The following NALCN variants were observed in gnomAD, a reference collection of about 807,000 sequenced individuals.
NALCN encodes sodium leak channel, non-selective.
Under a neutral mutation model 225.3 loss-of-function variants are expected in NALCN, and 111 were observed. The ratio of observed to expected loss-of-function variants is 0.49; its 90% CI spans 0.42 to 0.58. The LOEUF is 0.58. NALCN is among the 20% of genes least tolerant of loss of function. The pLI is 0.00. For missense variants in NALCN, 1,378 were observed against 2,202.4 expected (o/e 0.63, Z 7.49); for synonymous variants, 764 against 769.0 (o/e 0.99, Z 0.11).
chr13:101,282,957 A>C (rs1298284085), intron 10 of NALCN, among the ~76,000 whole-genome samples: 1 of 152,200 alleles, frequency 6.6e-6, no homozygotes, highest in Non-Finnish European at 1.5e-5. Flanking sequence ...AAGACCCAAA[A>C]GAAAGAAAAG....
chr13:101,216,546 ATAAAAT>A (rs1400209710), intron 13 of NALCN, among the ~76,000 whole-genome samples: 4 of 152,136 alleles, frequency 2.6e-5, no homozygotes, highest in African/African-American at 9.7e-5. Flanking sequence ...ATATTTCATG[ATAAAAT>A]TAAAAATACA....
intron 27 of NALCN, among the ~76,000 whole-genome samples, chr13:101,095,912 CCAAGGAAGATATG>C (rs1377629204): frequency 6.6e-6 from 1 of 152,100 alleles, no homozygotes; most frequent in Non-Finnish European, 1.5e-5. Flanking sequence ...AGACACTTCT[CCAAGGAAGATATG>C]CAAATGGCCA....
intron 3 of NALCN, among the ~76,000 whole-genome samples, chr13:101,390,676 A>T (rs543644738): frequency 6.6e-6 from 1 of 152,148 alleles, no homozygotes; most frequent in Non-Finnish European, 1.5e-5. Context: ...GGGAAAAAAA[A>T]ACATTCTCAG....
At chr13:101,369,220 C>T (rs2046469807) in intron 6 of NALCN, among the ~76,000 whole-genome samples, 1 of 147,334 alleles carries the variant, frequency 6.8e-6, no homozygotes, top group Non-Finnish European at 1.5e-5. Flanking sequence ...GCAGGTTTTA[C>T]ACATATGGGA....
At chr13:101,154,583 CT>C (rs1053812325) in intron 15 of NALCN, among the ~76,000 whole-genome samples, 1 of 152,144 alleles carries the variant, frequency 6.6e-6, no homozygotes, top group Non-Finnish European at 1.5e-5. Flanking sequence ...TGCTTTTCCC[CT>C]ACTAGCATGA....
chr13:101,101,927 C>A (rs1370204348), intron 26 of NALCN, among the ~76,000 whole-genome samples: 1 of 152,290 alleles, frequency 6.6e-6, no homozygotes, highest in East Asian at 1.9e-4. Flanking sequence ...TATACATTAG[C>A]AGTCAGGTGA....
intron 1 of NALCN, among the ~76,000 whole-genome samples, chr13:101,413,079 G>A (rs2139565049): frequency 6.6e-6 from 1 of 152,214 alleles, no homozygotes; most frequent in East Asian, 1.9e-4. Flanking sequence ...GTAAAAGAGG[G>A]AATGTGATCC....
rs756248145 is a variant in NALCN, at chr13:101,229,598, G to A, written c.1435-14C>T. 1.3e-6 allele frequency: 2 copies of A among 1,529,848 alleles called. No homozygotes were observed. The highest frequency in any genetic ancestry group is 4.9e-5 in the East Asian group (2 of 41,132). 94.8% of individuals were successfully genotyped at this position (1,529,848 alleles called of 1,614,324 possible). A position where few individuals can be genotyped will look rare whatever the true frequency, so the allele number is the denominator to read the frequency against. On this transcript the variant is annotated splice_polypyrimidine_tract_variant and intron_variant, in intron 12 of 43. Coordinates refer to ENST00000251127, the MANE Select transcript of NALCN (RefSeq NM_052867.4). ...TACTCGGAGAACCTATCAAGGGAGA[G>A]AGAAACATTTATTTACACATATGAT...
intron 37 of NALCN, among the ~76,000 whole-genome samples, chr13:101,071,476 G>A (rs61973974): frequency 0.31 from 46,828 of 152,138 alleles, 8,226 homozygotes; most frequent in East Asian, 0.48. Flanking sequence ...ATATTATGGA[G>A]ATGGCTTCTT....
At chr13:101,056,514 G>A (rs1309843229) in intron 43 of NALCN, among the ~76,000 whole-genome samples, 1 of 151,872 alleles carries the variant, frequency 6.6e-6, no homozygotes, top group African/African-American at 2.4e-5. Flanking sequence ...CACCTGCCTC[G>A]GCCTCCCAAA....
chr13:101,156,901 C>T (rs754181836), intron 15 of NALCN, among the ~76,000 whole-genome samples: 2 of 152,100 alleles, frequency 1.3e-5, no homozygotes, highest in Non-Finnish European at 2.9e-5. Context: ...TCATGCATTT[C>T]CAATTATCAT....
intron 28 of NALCN, among the ~76,000 whole-genome samples, chr13:101,092,421 C>A (rs1207514877): frequency 1.3e-5 from 2 of 152,288 alleles, no homozygotes; most frequent in East Asian, 1.9e-4. Context: ...GTCGTACTTC[C>A]TACAGCACCC....
At chr13:101,258,316 C>A in intron 11 of NALCN, 127 bp downstream of exon 11, 1 of 1,342,384 alleles carries the variant, frequency 7.4e-7, no homozygotes. Context: ...AAGAAGCAGA[C>A]AATGATTCAG....
rs1594213861 is a variant in NALCN, at chr13:101,105,795, A to T, written c.2580-845T>A. 2.0e-5 allele frequency among the ~76,000 whole-genome samples: 3 copies of T among 152,324 alleles called. No homozygotes were observed. In the South Asian group the frequency reaches 6.2e-4, roughly 32 times the overall value. On this transcript the variant is annotated intron_variant, in intron 22 of 43. Coordinates refer to ENST00000251127, the MANE Select transcript of NALCN (RefSeq NM_052867.4). ...AGAAAGAACAATAGTCTGGCAATCA[A>T]GAGAGAGCCAGGTAGTAGCTGGGTC...
intron 13 of NALCN, among the ~76,000 whole-genome samples, chr13:101,210,492 G>A (rs972778684): frequency 6.6e-6 from 1 of 152,114 alleles, no homozygotes; most frequent in African/African-American, 2.4e-5. Flanking sequence ...GAAATAACTT[G>A]TCGGTTTGTC....
intron 26 of NALCN, among the ~76,000 whole-genome samples, chr13:101,101,281 C>CTTT (rs60948311): frequency 0.02 from 2,211 of 112,344 alleles, 162 homozygotes; most frequent in African/African-American, 0.034. Context: ...ATTTTTTTTT[C>CTTT]TTTTTTTTTT....
At position 101,163,046 on chromosome 13, in the gene NALCN, C is replaced by T. The variant is rs190894894; in HGVS notation, c.1839+13254G>A. On this transcript the variant is annotated intron_variant, in intron 15 of 43. Transcript: ENST00000251127. ...TCTCCCAAGTAGCTAGGACTACAGG[C>T]GCCCGCCACTACGCCTGGCTAATTT... Among the ~76,000 whole-genome samples the T allele has an allele frequency of 2.8e-3, 419 of 151,996 alleles. 5 individuals carry two copies. Among genetic ancestry groups the T allele is most frequent in the Non-Finnish European group, 7.7e-4 (52 of 67,834 alleles).
chr13:101,273,229 C>T lies in NALCN; in HGVS notation c.1134+10704G>A, dbSNP rs189531125. ...TCCTACCTGAGCAGCAGCGGGAAAA[C>T]GGCTTGTCACAGCAGCCGCTGAGGA... On this transcript the variant is annotated intron_variant, in intron 10 of 43. Transcript: ENST00000251127. 3.9e-3 allele frequency among the ~76,000 whole-genome samples: 593 copies of T among 152,304 alleles called. 1 individual carries two copies. The highest frequency in any genetic ancestry group is 0.01 in the Middle Eastern group (3 of 294).
In NALCN at chr13:101,053,839, T is replaced by TC. The variant is rs2030867849; in HGVS notation, c.*1455dup. 5 of 152,132 alleles carry TC rather than the reference T, an allele frequency of 3.3e-5. No homozygotes were observed. Among genetic ancestry groups the TC allele is most frequent in the Non-Finnish European group, 7.3e-5 (5 of 68,032 alleles). The allele number at this position is 152,132 out of a possible 1,614,324, so 9.4% of individuals were successfully genotyped here. ...ACAAAAAGTAAACTCCAAGTGAACA[T>TC]CAAATCAAATCTAATCCTTTTGGCC... On this transcript the variant is annotated 3_prime_UTR_variant, in exon 44 of 44. Coordinates refer to ENST00000251127, the MANE Select transcript of NALCN (RefSeq NM_052867.4).
Sources: allele counts gnomAD v4.1 joint callset (sites outside exome capture counted in the v4.1 genomes callset), GRCh38; gene constraint gnomAD v4.1.1; transcripts MANE v1.5; gene names NCBI Gene and HGNC (gene_info 2026-07-23, HGNC 2026-07-21).